DOCK10: variants seen among roughly 807,000 people sequenced by gnomAD.
The protein encoded by DOCK10 is dedicator of cytokinesis protein 10.
In DOCK10, 145 loss-of-function variants were observed where a neutral mutation model predicts 280.1. That is an observed-to-expected ratio of 0.52 (90% CI 0.45 to 0.59). The LOEUF is 0.59. DOCK10 is among the 20% of genes least tolerant of loss of function. The probability of loss-of-function intolerance (pLI) is 0.00; values close to 1 mark genes in which losing one functional copy is unlikely to be tolerated. For missense variants in DOCK10, 2,368 were observed against 2,651.7 expected, an observed-to-expected ratio of 0.89 and a Z score of 2.35; for synonymous variants, 915 against 942.2, an observed-to-expected ratio of 0.97 and a Z score of 0.53.
intron 26 of DOCK10, 78 bp downstream of exon 26, chr2:224,834,072 T>C (rs772261220): frequency 2.0e-5 from 16 of 815,618 alleles, no homozygotes; most frequent in South Asian, 1.1e-4. Context: ...TGAAAATCCA[T>C]GACTCCTATC....
chr2:224,793,480 G>T, intron 45 of DOCK10, 23 bp from the exon 46 acceptor site: 1 of 1,601,522 alleles, frequency 6.2e-7, no homozygotes, highest in Non-Finnish European at 8.5e-7. Context: ...AGAAAATAAA[G>T]AGGCTCAGGG....
intron 1 of DOCK10, among the ~76,000 whole-genome samples, chr2:224,933,853 A>G (rs554632055): frequency 4.9e-4 from 74 of 152,200 alleles, no homozygotes; most frequent in Non-Finnish European, 8.7e-4. Context: ...GACTTCTATA[A>G]TCGGGTTCTC....
chr2:224,811,961 C>A (rs1365670011), intron 31 of DOCK10, among the ~76,000 whole-genome samples: 3 of 152,112 alleles, frequency 2.0e-5, no homozygotes, highest in Non-Finnish European at 2.9e-5. Flanking sequence ...ATTGACTTGG[C>A]AATGTGGGCT....
At chr2:224,808,752 C>T (rs141019610) in intron 31 of DOCK10, among the ~76,000 whole-genome samples, 5 of 152,188 alleles carry the variant, frequency 3.3e-5, no homozygotes, top group East Asian at 3.9e-4. Flanking sequence ...GTTAACACAC[C>T]GATAGCTTTG....
rs1022482778 is a variant in DOCK10, at chr2:224,789,279, C to T, written c.5312-109G>A. The T allele has an allele frequency of 3.3e-5, 22 of 662,524 alleles. No individual in the cohort carries two copies. In the East Asian group the frequency reaches 4.4e-4, roughly 13 times the overall value. 41.0% of individuals were successfully genotyped at this position (662,524 alleles called of 1,614,324 possible). A position where few individuals can be genotyped will look rare whatever the true frequency, so the allele number is the denominator to read the frequency against. Reference sequence around the variant, plus strand: ...CCAAGTGGTAGTATTACAAAGCTCACACAATCAACAAGATGGTTAGATTAT... The same window carrying T: ...CCAAGTGGTAGTATTACAAAGCTCATACAATCAACAAGATGGTTAGATTAT... On this transcript the variant is annotated intron_variant, in intron 47 of 55. Transcript: ENST00000258390.
At chr2:224,767,172 G>GT (rs11302345) in intron 55 of DOCK10, among the ~76,000 whole-genome samples, 25 of 150,580 alleles carry the variant, frequency 1.7e-4, no homozygotes, top group Non-Finnish European at 2.5e-4. Context: ...CAATCATGTA[G>GT]TTTTTTTTTT....
chr2:224,768,410 A>C (rs147776959), intron 55 of DOCK10, among the ~76,000 whole-genome samples: 339 of 152,172 alleles, frequency 2.2e-3, no homozygotes, highest in African/African-American at 7.8e-3. Flanking sequence ...CTTTTTATAG[A>C]TCTATTTCTA....
chr2:224,985,058 G>A (rs1705932990), intron 1 of DOCK10, among the ~76,000 whole-genome samples: 1 of 151,952 alleles, frequency 6.6e-6, no homozygotes, highest in South Asian at 2.1e-4. Context: ...CTCTTCAGCA[G>A]GTGTCTGCTA....
At position 224,964,620 on chromosome 2, in the gene DOCK10, T is replaced by C. The variant is rs184633166; in HGVS notation, c.124-32952A>G. 8.4e-3 allele frequency among the ~76,000 whole-genome samples: 1,279 copies of C among 152,308 alleles called. 9 individuals carry two copies. The highest frequency in any genetic ancestry group is 0.014 in the Admixed American group (207 of 15,294). On this transcript the variant is annotated intron_variant, in intron 1 of 55. Transcript: ENST00000258390. The stretch of plus-strand genomic sequence containing the variant: ...CCTGGGCTCAACCCATCGGCCCACC[T>C]TGGCCTTCCAAAATGCTGAGACTAC...
intron 48 of DOCK10, 114 bp downstream of exon 48, chr2:224,788,950 A>T (rs1691945801): frequency 1.5e-6 from 1 of 652,568 alleles, no homozygotes; most frequent in Admixed American, 2.9e-5. Context: ...ATTTTGTCTA[A>T]TTAAGTTATA....
chr2:224,886,084 CA>C lies in DOCK10; in HGVS notation c.590del (p.Val197GlyfsTer17). 6.2e-7 allele frequency: 1 copy of C among 1,613,812 alleles called. No individual in the cohort carries two copies. Among genetic ancestry groups the C allele is most frequent in the Non-Finnish European group, 8.5e-7 (1 of 1,179,862 alleles). On this transcript the variant is annotated frameshift_variant, in exon 6 of 56. Transcript: ENST00000258390. LOFTEE classifies it high-confidence loss of function. The stretch of plus-strand genomic sequence containing the variant: ...TTACCCGAACAGTAACGGTGTTGTT[CA>C]CGGTGCTGTTAAAATTCCCCTTGTA... ...WLYKGNFNST[V>X]NNTVTVRSFK... is the part of the protein sequence containing the mutation.
chr2:224,958,211 G>A (rs1704164990), intron 1 of DOCK10, among the ~76,000 whole-genome samples: 1 of 152,244 alleles, frequency 6.6e-6, no homozygotes, highest in South Asian at 2.1e-4. Flanking sequence ...TCAGTTGTAA[G>A]TTGGATTATA....
In DOCK10 at chr2:224,782,348, T is replaced by A. The variant is rs534219412; in HGVS notation, c.5656-4064A>T. On this transcript the variant is annotated intron_variant, in intron 50 of 55. Transcript: ENST00000258390. Reference sequence around the variant, plus strand: ...GTGGATAGAATAAAATTCTTCCAGGTCTTTTACTTAATTAATTCCAGGGGC... The same window carrying A: ...GTGGATAGAATAAAATTCTTCCAGGACTTTTACTTAATTAATTCCAGGGGC... Among the ~76,000 whole-genome samples, 11 of 152,294 alleles carry A rather than the reference T, an allele frequency of 7.2e-5. No individual in the cohort carries two copies. The East Asian group carries it at 2.1e-3, about 29-fold the overall frequency.
chr2:224,900,442 C>T (rs769139280), intron 3 of DOCK10, among the ~76,000 whole-genome samples: 4 of 152,026 alleles, frequency 2.6e-5, no homozygotes, highest in Non-Finnish European at 5.9e-5. Context: ...GACCTAGGCC[C>T]CATAGGTGGT....
At position 225,029,850 on chromosome 2, in the gene DOCK10, A is replaced by G. The variant is rs138709139; in HGVS notation, c.123+12402T>C. Among the ~76,000 whole-genome samples, 702 of 152,256 alleles carry G rather than the reference A, an allele frequency of 4.6e-3. 2 individuals are homozygous for G. Among genetic ancestry groups the G allele is most frequent in the Middle Eastern group, 0.017 (5 of 294 alleles). ...AATAAAACTCACAAAAGCTTAGAAA[A>G]TACAGATGTAAGGCCAGGAGAGGTG... On this transcript the variant is annotated intron_variant, in intron 1 of 55. Transcript: ENST00000258390.
chr2:224,805,462 G>A lies in DOCK10; in HGVS notation c.3882C>T (p.Asp1294=). ...ADSRASLASL[D]SNPSTNEKSS... Reference sequence around the variant, plus strand: ...TCTTCTCATTGGTACTTGGATTGGAGTCAAGACTTGCTAAAGATGCTCTGG... The same window carrying A: ...TCTTCTCATTGGTACTTGGATTGGAATCAAGACTTGCTAAAGATGCTCTGG... The change falls in exon 35 of 56, where the codon GAC becomes GAT. Residue 1294 remains aspartate, a synonymous_variant. Transcript: ENST00000258390. This position sits in a 1 kb window ranked among gnomAD's most constrained non-coding sequence, Gnocchi z 4.3. 1 of 1,612,792 alleles carries A rather than the reference G, an allele frequency of 6.2e-7. No individual in the cohort carries two copies. The highest frequency in any genetic ancestry group is 2.2e-5 in the East Asian group (1 of 44,854).
At chr2:224,917,536 T>G (rs768237225) in intron 2 of DOCK10, among the ~76,000 whole-genome samples, 6 of 152,124 alleles carry the variant, frequency 3.9e-5, no homozygotes, top group Non-Finnish European at 8.8e-5. Flanking sequence ...TGTGCCTGTG[T>G]GTGCACATGT....
At chr2:224,952,883 C>T (rs1006954086) in intron 1 of DOCK10, among the ~76,000 whole-genome samples, 12 of 152,166 alleles carry the variant, frequency 7.9e-5, no homozygotes, top group Non-Finnish European at 1.2e-4. Context: ...TGAGCCACCG[C>T]GCCCGGCCTA....
chr2:224,860,848 T>G (rs765756038), intron 14 of DOCK10: 2 of 152,212 alleles, frequency 1.3e-5, no homozygotes, highest in Non-Finnish European at 2.9e-5. Context: ...CCTAAAGTAT[T>G]GGGATTATAG....
Sources: allele counts gnomAD v4.1 joint callset (sites outside exome capture counted in the v4.1 genomes callset), GRCh38; gene constraint gnomAD v4.1.1; non-coding constraint Gnocchi (gnomAD v3.1); transcripts MANE v1.5; gene names NCBI Gene and HGNC (gene_info 2026-07-23, HGNC 2026-07-21).